EP300: variants seen among roughly 807,000 people sequenced by gnomAD.
EP300 encodes the protein EP300 lysine acetyltransferase.
EP300 carries 31 observed loss-of-function variants against 264.0 expected under a neutral mutation model. The observed-to-expected ratio is 0.12, with a 90% CI of 0.09 to 0.16. The LOEUF (loss-of-function observed/expected upper bound fraction) is 0.16, where lower values mean the gene tolerates loss of function less well. Ranked by LOEUF, EP300 falls within the 10% of genes least tolerant of loss-of-function variation. The probability of loss-of-function intolerance (pLI) is 1.00; values close to 1 mark genes in which losing one functional copy is unlikely to be tolerated. For synonymous variants in EP300, 1,340 were observed against 1,045.4 expected (o/e 1.28, Z -5.44); for missense variants, 2,766 against 3,052.9 (o/e 0.91, Z 2.21).
rs2059177341 is a variant in EP300, at chr22:41,172,666, A to C, written c.4617+3A>C. 6.2e-7 allele frequency: 1 copy of C among 1,611,704 alleles called. No individual in the cohort carries two copies. Among genetic ancestry groups the C allele is most frequent in the Admixed American group, 1.7e-5 (1 of 59,910 alleles). Reference sequence around the variant, plus strand: ...ACACCAGCAATGAAAGCACAGATGTAAGGGCATTGAGTTTCCTTTGAAACT... The same window carrying C: ...ACACCAGCAATGAAAGCACAGATGTCAGGGCATTGAGTTTCCTTTGAAACT... On this transcript the variant is annotated splice_donor_region_variant and intron_variant, in intron 28 of 30. Transcript: ENST00000263253.
chr22:41,101,229 C>T (rs184602606), intron 1 of EP300, among the ~76,000 whole-genome samples: 44 of 152,042 alleles, frequency 2.9e-4, no homozygotes, highest in Admixed American at 5.2e-4. Context: ...CACCTGCTAC[C>T]ATGCCTGGCT....
At chr22:41,120,083 C>T (rs1405552506) in intron 2 of EP300, among the ~76,000 whole-genome samples, 1 of 152,136 alleles carries the variant, frequency 6.6e-6, no homozygotes, top group Non-Finnish European at 1.5e-5. Flanking sequence ...CAAAGTGTTG[C>T]CACCGCACCT....
chr22:41,143,654 C>A (rs1000600025), intron 10 of EP300, among the ~76,000 whole-genome samples: 1 of 152,038 alleles, frequency 6.6e-6, no homozygotes, highest in African/African-American at 2.4e-5. Flanking sequence ...AAGCTCACTG[C>A]AACCTCTGCC....
At chr22:41,095,813 T>C (rs1174569762) in intron 1 of EP300, among the ~76,000 whole-genome samples, 1 of 152,140 alleles carries the variant, frequency 6.6e-6, no homozygotes, top group African/African-American at 2.4e-5. Context: ...GATGTAAATA[T>C]ATCCACCAAG....
chr22:41,117,161 C>G (rs774726110), intron 1 of EP300, 26 bp from the exon 2 acceptor site: 8 of 1,607,220 alleles, frequency 5.0e-6, no homozygotes, highest in Middle Eastern at 1.7e-4. Context: ...CATACTTTGA[C>G]CTTTGTCTTT....
In EP300 at chr22:41,177,712, C is replaced by G. The variant is rs1210404526; in HGVS notation, c.6001C>G (p.Pro2001Ala). 3 of 1,613,760 alleles carry G rather than the reference C, an allele frequency of 1.9e-6. No homozygotes were observed. The highest frequency in any genetic ancestry group is 2.5e-6 in the Non-Finnish European group (3 of 1,180,008). Residue 2001 changes from proline (P) to alanine (A), a missense_variant, in exon 31 of 31, where the codon CCT (proline) becomes GCT (alanine). Coordinates refer to ENST00000263253, the MANE Select transcript of EP300 (RefSeq NM_001429.4). ...GCCACCCTGGAGCCAAGGAGGATTG[C>G]CTCAGCCCCAGCAACTACAGTCTGG... The part of the protein sequence containing the change: ...QQPPWSQGGL[P>A]QPQQLQSGMP...
At chr22:41,097,411 TTG>T (rs916336155) in intron 1 of EP300, among the ~76,000 whole-genome samples, 5 of 152,082 alleles carry the variant, frequency 3.3e-5, no homozygotes, top group African/African-American at 1.2e-4. Flanking sequence ...TGGCATTATT[TTG>T]TGTTTTTCTT....
chr22:41,098,158 A>G (rs1403613090), intron 1 of EP300, among the ~76,000 whole-genome samples: 1 of 152,130 alleles, frequency 6.6e-6, no homozygotes, highest in Non-Finnish European at 1.5e-5. Flanking sequence ...CCTCCCTGCT[A>G]AAAAATTTTT....
chr22:41,111,847 C>CT lies in EP300; in HGVS notation c.95-5331dup, dbSNP rs1311032103. ...AACCACCATGCCCGGACTTTTTTCTCTTTTTTTTTCTTTTTTAGAACTTGT... is the reference window on the plus strand; with the variant it reads ...AACCACCATGCCCGGACTTTTTTCTCTTTTTTTTTTCTTTTTTAGAACTTGT... On this transcript the variant is annotated intron_variant, in intron 1 of 30. Coordinates refer to ENST00000263253, the MANE Select transcript of EP300 (RefSeq NM_001429.4). Among the ~76,000 whole-genome samples the CT allele has an allele frequency of 2.5e-3, 228 of 91,180 alleles. 2 individuals are homozygous for CT. The highest frequency in any genetic ancestry group is 4.7e-3 in the African/African-American group (113 of 24,002). The allele number at this position is 91,180 out of a possible 152,430, so 59.8% of individuals were successfully genotyped here.
intron 1 of EP300, among the ~76,000 whole-genome samples, chr22:41,094,110 T>A (rs996145822): frequency 3.1e-4 from 47 of 152,214 alleles, no homozygotes; most frequent in African/African-American, 1.1e-3. Context: ...CCCTTCATTC[T>A]TTTCTTACAG....
chr22:41,109,428 C>T (rs2058776533), intron 1 of EP300, among the ~76,000 whole-genome samples: 1 of 152,048 alleles, frequency 6.6e-6, no homozygotes, highest in Non-Finnish European at 1.5e-5. Context: ...CTAGTATGAA[C>T]TTCTGAGGTT....
At chr22:41,155,142 A>G in intron 17 of EP300, 29 bp downstream of exon 17, 1 of 1,447,316 alleles carries the variant, frequency 6.9e-7, no homozygotes, top group Non-Finnish European at 9.7e-7. Context: ...TTTTGATTTT[A>G]TTTTTTAATT....
intron 2 of EP300, among the ~76,000 whole-genome samples, chr22:41,118,209 G>A (rs932306642): frequency 6.6e-6 from 1 of 152,120 alleles, no homozygotes; most frequent in South Asian, 2.1e-4. Flanking sequence ...GTTTTCAAGA[G>A]ATACATTTAT....
intron 2 of EP300, among the ~76,000 whole-genome samples, chr22:41,120,976 C>T (rs776818135): frequency 6.6e-6 from 1 of 152,142 alleles, no homozygotes. Context: ...AGATTACAGA[C>T]AGGGGCCACT....
chr22:41,179,444 C>T lies in EP300; in HGVS notation c.*488C>T, dbSNP rs1023440362. ...GTTAATGTTACTTTAAAATTACATT[C>T]TATATATATATAAATATATATAAAT... On this transcript the variant is annotated 3_prime_UTR_variant, in exon 31 of 31. Transcript: ENST00000263253. 6.1e-6 allele frequency: 1 copy of T among 163,922 alleles called. No individual in the cohort carries two copies. The highest frequency in any genetic ancestry group is 6.7e-5 in the Admixed American group (1 of 14,838). 10.2% of individuals were successfully genotyped at this position (163,922 alleles called of 1,614,324 possible).
At chr22:41,169,264 A>T in intron 25 of EP300, 1 of 581,206 alleles carries the variant, frequency 1.7e-6, no homozygotes, top group Non-Finnish European at 3.1e-6. Flanking sequence ...CCAAATACTG[A>T]TTGATGTGTA....
At chr22:41,112,704 A>ATAT (rs112111916) in intron 1 of EP300, among the ~76,000 whole-genome samples, 3 of 63,398 alleles carry the variant, frequency 4.7e-5, no homozygotes, top group East Asian at 5.6e-3. Context: ...TGTAATTTTT[A>ATAT]TATTGTTTTT....
Position 41,098,946 on chromosome 22 carries a change from CTT to C in EP300, c.94+5850_94+5851del, listed in dbSNP as rs1175380018. On this transcript the variant is annotated intron_variant, in intron 1 of 30. Transcript: ENST00000263253. Reference sequence around the variant, plus strand: ...GTGGTTAGGAATAAATGAGAATTCTCTTTATCAGATGCTTAGGACTATGCTTG... The same window carrying C: ...GTGGTTAGGAATAAATGAGAATTCTCTATCAGATGCTTAGGACTATGCTTG... 4.6e-5 allele frequency among the ~76,000 whole-genome samples: 7 copies of C among 152,148 alleles called. No individual in the cohort carries two copies. In the East Asian group the frequency reaches 1.3e-3, roughly 29 times the overall value.
chr22:41,137,533 A>G (rs2058958688), intron 7 of EP300, 120 bp from the exon 8 acceptor site: 1 of 1,333,216 alleles, frequency 7.5e-7, no homozygotes, highest in Non-Finnish European at 1.1e-6. Context: ...CTAGCTCCTT[A>G]ATGCGAATAG....
Sources: allele counts gnomAD v4.1 joint callset (sites outside exome capture counted in the v4.1 genomes callset), GRCh38; gene constraint gnomAD v4.1.1; transcripts MANE v1.5; gene names NCBI Gene and HGNC (gene_info 2026-07-23, HGNC 2026-07-21).